C3orf49: variants seen among roughly 807,000 people sequenced by gnomAD.
C3orf49 encodes the protein putative uncharacterized protein C3orf49.
A neutral mutation model predicts 13.3 loss-of-function variants in C3orf49; 27 were observed. That is an observed-to-expected ratio of 2.02 (90% CI 1.49 to 2.79). C3orf49 has a LOEUF of 2.79. Ranked by LOEUF, C3orf49 falls within the 30% of genes most tolerant of loss-of-function variation. The probability of loss-of-function intolerance (pLI) is 0.00; values close to 1 mark genes in which losing one functional copy is unlikely to be tolerated. For synonymous variants in C3orf49, 87 were observed against 47.6 expected (o/e 1.83, Z -3.40); for missense variants, 242 against 134.2 (o/e 1.80, Z -3.97).
chr3:63,846,728 C>A (rs1701905573), intron 6 of C3orf49, among the ~76,000 whole-genome samples: 1 of 151,982 alleles, frequency 6.6e-6, no homozygotes, highest in African/African-American at 2.4e-5. Context: ...TAATTTATAA[C>A]CCCAGTATAC....
the C3orf49 span, among the ~76,000 whole-genome samples, chr3:63,780,827 G>C: frequency 6.6e-6 from 1 of 152,184 alleles, no homozygotes; most frequent in African/African-American, 2.4e-5. Context: ...CCCACTTGTT[G>C]ATGGAGTTGT....
At chr3:63,837,221 A>G (rs1414623397) in intron 5 of C3orf49, among the ~76,000 whole-genome samples, 1 of 152,034 alleles carries the variant, frequency 6.6e-6, no homozygotes, top group African/African-American at 2.4e-5. Context: ...ACAAAACAAC[A>G]CAAAAACAGA....
intron 5 of C3orf49, among the ~76,000 whole-genome samples, chr3:63,843,308 G>C (rs1449766364): frequency 6.6e-6 from 1 of 151,486 alleles, no homozygotes; most frequent in Non-Finnish European, 1.5e-5. Flanking sequence ...AGTAGAGATG[G>C]GGTTTAACCA....
intron 2 of C3orf49, among the ~76,000 whole-genome samples, chr3:63,824,611 GT>G (rs904785440): frequency 3.9e-5 from 6 of 152,174 alleles, no homozygotes; most frequent in African/African-American, 1.4e-4. Context: ...GGCCAAAGCG[GT>G]TGGATCACTT....
chr3:63,789,223 T>A, the C3orf49 span, among the ~76,000 whole-genome samples: 1 of 152,146 alleles, frequency 6.6e-6, no homozygotes, highest in South Asian at 2.1e-4. Flanking sequence ...GCACGCTCTT[T>A]ATGAGACTTC....
In C3orf49 at chr3:63,848,441, C is replaced by A. The variant is rs115622859; in HGVS notation, c.*108C>A. On this transcript the variant is annotated 3_prime_UTR_variant, in exon 7 of 7. Transcript: ENST00000295896. Reference sequence around the variant, plus strand: ...TGAGCTGGAAGTCCTTCCCACCCCCCACCTTCAAGCTGTCCTGCTTTTCTG... The same window carrying A: ...TGAGCTGGAAGTCCTTCCCACCCCCAACCTTCAAGCTGTCCTGCTTTTCTG... The A allele has an allele frequency of 0.022, 3,425 of 152,280 alleles. 69 individuals are homozygous for A. Among genetic ancestry groups the A allele is most frequent in the South Asian group, 0.077 (373 of 4,822 alleles). 9.4% of individuals were successfully genotyped at this position (152,280 alleles called of 1,614,324 possible).
chr3:63,810,274 T>C, the C3orf49 span, among the ~76,000 whole-genome samples: 1 of 152,212 alleles, frequency 6.6e-6, no homozygotes, highest in Non-Finnish European at 1.5e-5. Context: ...TTCCTATCTC[T>C]TAAAATTTCA....
chr3:63,813,056 A>G, the C3orf49 span, among the ~76,000 whole-genome samples: 6 of 152,194 alleles, frequency 3.9e-5, no homozygotes, highest in African/African-American at 1.4e-4. Flanking sequence ...AGAACTCCAC[A>G]GTACACCACA....
intron 3 of C3orf49, among the ~76,000 whole-genome samples, chr3:63,830,311 G>A (rs1444003367): frequency 6.6e-6 from 1 of 152,198 alleles, no homozygotes; most frequent in Non-Finnish European, 1.5e-5. Context: ...AGAAAAAAGA[G>A]GGGTCTTACT....
At chr3:63,794,392 A>G in the C3orf49 span, among the ~76,000 whole-genome samples, 5 of 152,114 alleles carry the variant, frequency 3.3e-5, 1 homozygote, top group South Asian at 2.1e-4. Context: ...TCTCCTCTCT[A>G]TTGGATTATC....
chr3:63,803,455 A>C, the C3orf49 span, among the ~76,000 whole-genome samples: 1 of 152,174 alleles, frequency 6.6e-6, no homozygotes, highest in African/African-American at 2.4e-5. Context: ...CCCAAGGAGA[A>C]TGGGAAGGAC....
At chr3:63,829,924 C>A (rs1417303530) in intron 3 of C3orf49, among the ~76,000 whole-genome samples, 1 of 152,138 alleles carries the variant, frequency 6.6e-6, no homozygotes, top group East Asian at 1.9e-4. Flanking sequence ...CATGATCATG[C>A]CACTGCTCTC....
At chr3:63,784,248 G>C in the C3orf49 span, among the ~76,000 whole-genome samples, 3 of 152,122 alleles carry the variant, frequency 2.0e-5, no homozygotes, top group South Asian at 2.1e-4. Flanking sequence ...GAAAAAGTTA[G>C]TTTGTTAAAA....
upstream of C3orf49, among the ~76,000 whole-genome samples, chr3:63,815,068 C>A (rs568369783): frequency 6.6e-6 from 1 of 152,280 alleles, no homozygotes; most frequent in South Asian, 2.1e-4. Context: ...ACAACCAGAT[C>A]TTGCAAGAAC....
chr3:63,832,117 C>G (rs1701541522), intron 5 of C3orf49: 1 of 305,200 alleles, frequency 3.3e-6, no homozygotes, highest in Admixed American at 5.1e-5. Context: ...TTGCTTGAAC[C>G]TGGGAGGCAG....
At chr3:63,786,551 G>T in the C3orf49 span, among the ~76,000 whole-genome samples, 1 of 152,164 alleles carries the variant, frequency 6.6e-6, no homozygotes, top group Non-Finnish European at 1.5e-5. Flanking sequence ...AGGTCGTGGA[G>T]CTAAAGAAGG....
chr3:63,812,002 C>T, the C3orf49 span, among the ~76,000 whole-genome samples: 4 of 151,930 alleles, frequency 2.6e-5, no homozygotes, highest in Admixed American at 2.0e-4. Context: ...TGGTGTAGAG[C>T]ACTGGGAGTG....
chr3:63,825,037 G>A (rs996623144), intron 2 of C3orf49, among the ~76,000 whole-genome samples: 1 of 151,980 alleles, frequency 6.6e-6, no homozygotes, highest in Non-Finnish European at 1.5e-5. Context: ...ATTATTAACT[G>A]AAGTTATAGT....
At chr3:63,808,416 C>T in the C3orf49 span, among the ~76,000 whole-genome samples, 1 of 152,130 alleles carries the variant, frequency 6.6e-6, no homozygotes. Flanking sequence ...AGTCACAATG[C>T]ATTTGGAAAC....
Sources: gnomAD v4.1 joint callset for allele counts (sites outside exome capture counted in the v4.1 genomes callset) on GRCh38, gnomAD v4.1.1 for gene constraint, MANE v1.5 for transcripts, NCBI Gene and HGNC (gene_info 2026-07-23, HGNC 2026-07-21) for gene names.